The following ATP10B variants were observed in gnomAD, a reference collection of about 807,000 sequenced individuals.
ATP10B encodes the protein phospholipid-transporting ATPase VB.
Under a neutral mutation model 141.2 loss-of-function variants are expected in ATP10B, and 122 were observed. The ratio of observed to expected loss-of-function variants is 0.86; its 90% CI spans 0.75 to 1.00. ATP10B has a LOEUF of 1.00. Among genes scored for constraint, ATP10B ranks in the 50% least tolerant of loss-of-function variants. ATP10B has a pLI of 0.00. For synonymous variants in ATP10B, 685 were observed against 692.0 expected, an observed-to-expected ratio of 0.99 and a Z score of 0.16; for missense variants, 1,876 against 1,825.3, an observed-to-expected ratio of 1.03 and a Z score of -0.51.
intron 13 of ATP10B, among the ~76,000 whole-genome samples, chr5:160,630,453 A>G (rs1347881132): frequency 2.0e-5 from 3 of 152,240 alleles, no homozygotes; most frequent in Admixed American, 2.0e-4. Flanking sequence ...AGATCCACAA[A>G]GGAAAGCTTC....
At chr5:160,818,680 C>G (rs1378608535) in intron 1 of ATP10B, among the ~76,000 whole-genome samples, 2 of 152,154 alleles carry the variant, frequency 1.3e-5, no homozygotes, top group African/African-American at 4.8e-5. Context: ...AATCATGCTG[C>G]TATAAAGACA....
intron 2 of ATP10B, among the ~76,000 whole-genome samples, chr5:160,723,220 C>A (rs1581416339): frequency 6.6e-6 from 1 of 152,156 alleles, no homozygotes; most frequent in Non-Finnish European, 1.5e-5. Flanking sequence ...ATTCATCGAG[C>A]ATATACTAAG....
chr5:160,607,348 A>G (rs1757451710), intron 18 of ATP10B, among the ~76,000 whole-genome samples: 1 of 152,230 alleles, frequency 6.6e-6, no homozygotes, highest in South Asian at 2.1e-4. Context: ...GGAGATAGAC[A>G]CAAGGATGGC....
intron 2 of ATP10B, among the ~76,000 whole-genome samples, chr5:160,784,617 T>C (rs952655878): frequency 3.2e-4 from 49 of 152,172 alleles, no homozygotes; most frequent in African/African-American, 1.0e-3. Flanking sequence ...GGAGAAACAG[T>C]CTGCATATGG....
chr5:160,917,233 G>A, the ATP10B span, among the ~76,000 whole-genome samples: 2 of 150,762 alleles, frequency 1.3e-5, no homozygotes, highest in Non-Finnish European at 3.0e-5. Context: ...GGTGGAGCTG[G>A]GTTGTGGGGC....
chr5:160,577,452 G>C (rs1474975401), intron 24 of ATP10B, among the ~76,000 whole-genome samples: 1 of 152,112 alleles, frequency 6.6e-6, no homozygotes, highest in African/African-American at 2.4e-5. Context: ...GCTAAGAGCT[G>C]GATCATGTGC....
intron 3 of ATP10B, among the ~76,000 whole-genome samples, chr5:160,702,212 A>G (rs1244140807): frequency 6.6e-6 from 1 of 152,242 alleles, no homozygotes. Flanking sequence ...ATTTCAAAGA[A>G]ACTTATTTCT....
chr5:160,621,499 A>G (rs917541922), intron 14 of ATP10B, among the ~76,000 whole-genome samples: 2 of 152,174 alleles, frequency 1.3e-5, no homozygotes, highest in Admixed American at 1.3e-4. Flanking sequence ...CCCAAATGGT[A>G]CTTCTTCCCC....
the ATP10B span, among the ~76,000 whole-genome samples, chr5:160,904,751 G>T: frequency 2.0e-5 from 3 of 152,280 alleles, no homozygotes; most frequent in Non-Finnish European, 4.4e-5. Flanking sequence ...CGTGGGGGCT[G>T]GTGGCACTTC....
rs1174189906 is a variant in ATP10B at position 160,656,474 on chromosome 5, CTACA to C, written c.676-7222_676-7219del. Among the ~76,000 whole-genome samples the C allele has an allele frequency of 4.6e-5, 7 of 152,174 alleles. No individual in the cohort carries two copies. The East Asian group carries it at 1.3e-3, about 29-fold the overall frequency. On this transcript the variant is annotated intron_variant, in intron 7 of 25. Coordinates refer to ENST00000327245, the MANE Select transcript of ATP10B (RefSeq NM_025153.3). ...GGTAGATTAAGCTACTGCATCTTGT[CTACA>C]AATCCCCTGTATGCTCCCAAATGCT...
chr5:160,645,373 G>T (rs1760203888), intron 8 of ATP10B, among the ~76,000 whole-genome samples: 1 of 152,184 alleles, frequency 6.6e-6, no homozygotes, highest in African/African-American at 2.4e-5. Flanking sequence ...GGGGACAGGG[G>T]ACAGGTAAGA....
At chr5:160,904,504 C>CGTGTGT in the ATP10B span, among the ~76,000 whole-genome samples, 1 of 151,260 alleles carries the variant, frequency 6.6e-6, no homozygotes, top group African/African-American at 2.4e-5. Context: ...TCTGGGTGTG[C>CGTGTGT]GTGTGTATGT....
Position 160,620,478 on chromosome 5 carries a change from C to T in ATP10B, c.2285G>A (p.Cys762Tyr). The change falls in exon 15 of 26, where the codon TGC (cysteine) becomes TAC (tyrosine). Residue 762 changes from cysteine (C) to tyrosine (Y), a missense_variant. Cys to Tyr is a radical substitution (Grantham distance 194, BLOSUM62 -2). Coordinates refer to ENST00000327245, the MANE Select transcript of ATP10B (RefSeq NM_025153.3). ...QGTCLTFSLL[C>Y]TLGFDSVRKR... The stretch of plus-strand genomic sequence containing the variant: ...CCTGACAGAGTCAAAGCCCAGGGTG[C>T]AGAGGAGGCTGAAGGTGAGGCAGGT... 2 of 1,614,222 alleles carry T rather than the reference C, an allele frequency of 1.2e-6. No individual in the cohort carries two copies. Among genetic ancestry groups the T allele is most frequent in the East Asian group, 2.2e-5 (1 of 44,878 alleles).
chr5:160,828,504 G>A (rs1774807495), intron 1 of ATP10B, among the ~76,000 whole-genome samples: 1 of 152,030 alleles, frequency 6.6e-6, no homozygotes, highest in African/African-American at 2.4e-5. Context: ...AAACCACAAT[G>A]AGATACCATC....
At chr5:160,666,723 G>T (rs569881045) in intron 7 of ATP10B, among the ~76,000 whole-genome samples, 1 of 152,172 alleles carries the variant, frequency 6.6e-6, no homozygotes, top group Non-Finnish European at 1.5e-5. Flanking sequence ...AAAGTATAAG[G>T]GAGAAGCAAG....
At chr5:160,641,493 C>T (rs556370621) in intron 9 of ATP10B, among the ~76,000 whole-genome samples, 1 of 152,306 alleles carries the variant, frequency 6.6e-6, no homozygotes, top group South Asian at 2.1e-4. Flanking sequence ...CCTTCTTCTC[C>T]AGTAGGGGAA....
At chr5:160,817,403 T>C (rs943258796) in intron 1 of ATP10B, among the ~76,000 whole-genome samples, 1 of 152,194 alleles carries the variant, frequency 6.6e-6, no homozygotes, top group African/African-American at 2.4e-5. Context: ...CATTCACAAT[T>C]GCTTCAAAGA....
In ATP10B at chr5:160,581,143, A is replaced by G. The variant is rs137922114; in HGVS notation, c.3750+8449T>C. ...TTTTTGAAGGGTTTTTTGTGTTTCT[A>G]TCTCCTTCAGTTCTGCTCTGATCTT... On this transcript the variant is annotated intron_variant, in intron 24 of 25. Coordinates refer to ENST00000327245, the MANE Select transcript of ATP10B (RefSeq NM_025153.3). 9.5e-3 allele frequency among the ~76,000 whole-genome samples: 1,440 copies of G among 151,068 alleles called. 18 individuals carry two copies. The highest frequency in any genetic ancestry group is 0.033 in the African/African-American group (1,359 of 41,232).
the ATP10B span, among the ~76,000 whole-genome samples, chr5:160,919,860 T>G: frequency 6.6e-6 from 1 of 152,210 alleles, no homozygotes; most frequent in African/African-American, 2.4e-5. Flanking sequence ...ACAATTCTAT[T>G]AATATCAGAG....
Sources: allele counts gnomAD v4.1 joint callset (sites outside exome capture counted in the v4.1 genomes callset), GRCh38; gene constraint gnomAD v4.1.1; transcripts MANE v1.5; gene names NCBI Gene and HGNC (gene_info 2026-07-23, HGNC 2026-07-21).